NUP37: variants seen among roughly 807,000 people sequenced by gnomAD.
NUP37 encodes the protein nucleoporin 37.
In NUP37, 33 loss-of-function variants were observed where a neutral mutation model predicts 45.4. That is an observed-to-expected ratio of 0.73 (90% CI 0.55 to 0.97). The LOEUF (loss-of-function observed/expected upper bound fraction) is 0.97. Among genes scored for constraint, NUP37 ranks in the 50% least tolerant of loss-of-function variants. NUP37 has a pLI of 0.00. For synonymous variants in NUP37, 127 were observed against 130.7 expected (o/e 0.97, Z 0.19); for missense variants, 365 against 389.7 (o/e 0.94, Z 0.53).
rs1264333347 is a variant in NUP37, at chr12:102,098,535, G to GTT, written c.449+569_449+570dup. Among the ~76,000 whole-genome samples the GTT allele has an allele frequency of 3.8e-4, 54 of 142,092 alleles. No homozygotes were observed. In the South Asian group the frequency reaches 9.2e-3, roughly 24 times the overall value. The allele number at this position is 142,092 out of a possible 152,430, so 93.2% of individuals were successfully genotyped here. ...GAAGAATTTGATCCAATATGTTTGT[G>GTT]TTTTTTTTTTTTTTGAGATGGAGTG... On this transcript the variant is annotated intron_variant, in intron 5 of 9. Transcript: ENST00000552283.
intron 6 of NUP37, among the ~76,000 whole-genome samples, chr12:102,083,400 A>G (rs189156182): frequency 1.6e-4 from 24 of 152,336 alleles, no homozygotes; most frequent in Non-Finnish European, 3.1e-4. Flanking sequence ...TCTACTGATG[A>G]AAGACTCAAT....
chr12:102,081,419 TC>T (rs1879329947), intron 6 of NUP37, among the ~76,000 whole-genome samples: 1 of 152,216 alleles, frequency 6.6e-6, no homozygotes, highest in Non-Finnish European at 1.5e-5. Context: ...TTAGGAATTT[TC>T]AGAAGTATAA....
chr12:102,102,172 T>C lies in NUP37; in HGVS notation c.282-1068A>G, dbSNP rs535546654. On this transcript the variant is annotated intron_variant, in intron 3 of 9. Coordinates refer to ENST00000552283, the MANE Select transcript of NUP37 (RefSeq NM_024057.4). Reference sequence around the variant, plus strand: ...CAATTCTTTGGTAGAAAGAGTATCATACACAAATCTAAATTTATTCTTTAG... The same window carrying C: ...CAATTCTTTGGTAGAAAGAGTATCACACACAAATCTAAATTTATTCTTTAG... 1.3e-3 allele frequency among the ~76,000 whole-genome samples: 197 copies of C among 152,360 alleles called. 1 individual carries two copies. Among genetic ancestry groups the C allele is most frequent in the African/African-American group, 4.4e-3 (184 of 41,582 alleles).
At chr12:102,083,610 T>C (rs956690390) in intron 6 of NUP37, among the ~76,000 whole-genome samples, 6 of 152,226 alleles carry the variant, frequency 3.9e-5, no homozygotes, top group Non-Finnish European at 4.4e-5. Context: ...TATACATCAG[T>C]ATACTAAGGA....
chr12:102,078,165 TAA>T (rs781351728), intron 6 of NUP37, among the ~76,000 whole-genome samples: 13 of 134,852 alleles, frequency 9.6e-5, no homozygotes, highest in Non-Finnish European at 1.1e-4. Flanking sequence ...CCGTCTCTAC[TAA>T]AAAAAAAAAA....
Position 102,118,459 on chromosome 12 carries a change from A to G in NUP37, c.60T>C (p.His20=). The part of the protein sequence containing the change: ...AYTVDCEDYV[H]VVEFNPFENG... ...TCTCAAAGGGATTAAATTCTACCAC[A>G]TGCACATAATCTTCACAATCCACAG... The change falls in exon 2 of 10, where the codon CAT becomes CAC. Residue 20 remains histidine, a synonymous_variant. Transcript: ENST00000552283. The G allele has an allele frequency of 2.5e-6, 4 of 1,614,094 alleles. No homozygotes were observed. Among genetic ancestry groups the G allele is most frequent in the Non-Finnish European group, 3.4e-6 (4 of 1,179,986 alleles).
Position 102,098,503 on chromosome 12 carries a change from C to T in NUP37, c.449+603G>A, listed in dbSNP as rs1185710269. On this transcript the variant is annotated intron_variant, in intron 5 of 9. Transcript: ENST00000552283. ...GCATTTTACTCCTACTTATCTTGTC[C>T]AATATTGAAGAATTTGATCCAATAT... Among the ~76,000 whole-genome samples, 11 of 151,612 alleles carry T rather than the reference C, an allele frequency of 7.3e-5. No individual in the cohort carries two copies. In the South Asian group the frequency reaches 2.3e-3, roughly 32 times the overall value.
At chr12:102,086,032 G>A (rs949398818) in intron 5 of NUP37, among the ~76,000 whole-genome samples, 176 bp from the exon 6 acceptor site, 1 of 152,056 alleles carries the variant, frequency 6.6e-6, no homozygotes, top group African/African-American at 2.4e-5. Flanking sequence ...TATGAAAGTA[G>A]GATGAAGAAT....
intron 5 of NUP37, among the ~76,000 whole-genome samples, chr12:102,091,307 A>G (rs1295410896): frequency 2.1e-5 from 3 of 146,008 alleles, no homozygotes; most frequent in African/African-American, 5.0e-5. Context: ...CTGAGGCAGG[A>G]GAACTGCTTG....
intron 3 of NUP37, among the ~76,000 whole-genome samples, chr12:102,110,345 C>G (rs1880276018): frequency 6.6e-6 from 1 of 150,698 alleles, no homozygotes; most frequent in Non-Finnish European, 1.5e-5. Context: ...GCAAAAAATA[C>G]AAAAAATTAG....
intron 4 of NUP37, among the ~76,000 whole-genome samples, 171 bp from the exon 5 acceptor site, chr12:102,099,371 TAGA>T (rs1307055280): frequency 6.6e-6 from 1 of 152,216 alleles, no homozygotes; most frequent in Non-Finnish European, 1.5e-5. Flanking sequence ...CCCACTTTTC[TAGA>T]AGGTTTATCT....
intron 6 of NUP37, among the ~76,000 whole-genome samples, chr12:102,078,293 T>C (rs1367212201): frequency 2.6e-5 from 4 of 151,376 alleles, no homozygotes; most frequent in Admixed American, 6.6e-5. Flanking sequence ...GCCACGGCAC[T>C]CTAGCCGGGG....
At chr12:102,114,734 T>C (rs940853196) in intron 2 of NUP37, among the ~76,000 whole-genome samples, 2 of 152,122 alleles carry the variant, frequency 1.3e-5, no homozygotes, top group South Asian at 2.1e-4. Flanking sequence ...CCCCCAATGC[T>C]TGAATCCCTA....
chr12:102,076,980 C>A (rs1879188820), intron 7 of NUP37, 133 bp from the exon 8 acceptor site: 1 of 678,108 alleles, frequency 1.5e-6, no homozygotes, highest in Non-Finnish European at 2.5e-6. Flanking sequence ...CCTAAACAAG[C>A]AATCAGTTAA....
chr12:102,112,241 A>C lies in NUP37; in HGVS notation c.157-9T>G. The C allele has an allele frequency of 6.2e-7, 1 of 1,605,668 alleles. No homozygotes were observed. Among genetic ancestry groups the C allele is most frequent in the South Asian group, 1.1e-5 (1 of 90,194 alleles). ...ACGTCTGCTTCTTCTTCCTAAGCATACACAGTAAATGTTTTAATAAGTAAT... is the reference window on the plus strand; with the variant it reads ...ACGTCTGCTTCTTCTTCCTAAGCATCCACAGTAAATGTTTTAATAAGTAAT... On this transcript the variant is annotated splice_polypyrimidine_tract_variant and intron_variant, in intron 2 of 9. Coordinates refer to ENST00000552283, the MANE Select transcript of NUP37 (RefSeq NM_024057.4).
At position 102,077,473 on chromosome 12, in the gene NUP37, G is replaced by A. The variant is rs1192222215; in HGVS notation, c.571C>T (p.Arg191Trp). 7 of 1,613,396 alleles carry A rather than the reference G, an allele frequency of 4.3e-6. No homozygotes were observed. Among genetic ancestry groups the A allele is most frequent in the Non-Finnish European group, 5.9e-6 (7 of 1,179,980 alleles). Residue 191 changes from arginine to tryptophan, a missense_variant, in exon 7 of 10, where the codon CGG becomes TGG. Coordinates refer to ENST00000552283, the MANE Select transcript of NUP37 (RefSeq NM_024057.4). ...LMVAEKNGTI[R>W]FYDLLAQQAI... ...TGTTGGGCCAAAAGATCATAAAACC[G>A]GATTGTTCCATTCTTCTCTGCAACC...
intron 2 of NUP37, among the ~76,000 whole-genome samples, chr12:102,115,295 C>A: frequency 6.6e-6 from 1 of 152,166 alleles, no homozygotes; most frequent in East Asian, 1.9e-4. Flanking sequence ...GGCCACTAGC[C>A]ACACAGGACC....
intron 3 of NUP37, among the ~76,000 whole-genome samples, chr12:102,103,208 T>C (rs971929664): frequency 1.3e-5 from 2 of 152,198 alleles, no homozygotes; most frequent in African/African-American, 2.4e-5. Flanking sequence ...ATTTTAACAA[T>C]ATTAATTCAT....
At position 102,091,419 on chromosome 12, in the gene NUP37, A is replaced by C. The variant is rs568512577; in HGVS notation, c.450-5563T>G. On this transcript the variant is annotated intron_variant, in intron 5 of 9. Coordinates refer to ENST00000552283, the MANE Select transcript of NUP37 (RefSeq NM_024057.4). ...CGTCTCAAAAAAAAAAAAAAAAAAA[A>C]AAAAAAAAACCCAAAAAACAAAAAA... Among the ~76,000 whole-genome samples the C allele has an allele frequency of 2.1e-4, 31 of 150,078 alleles. 1 individual carries two copies. Among genetic ancestry groups the C allele is most frequent in the Admixed American group, 1.4e-3 (21 of 15,114 alleles).
Sources: allele counts gnomAD v4.1 joint callset (sites outside exome capture counted in the v4.1 genomes callset), GRCh38; gene constraint gnomAD v4.1.1; transcripts MANE v1.5; gene names NCBI Gene and HGNC (gene_info 2026-07-23, HGNC 2026-07-21).